MYCBPAP: variants seen among roughly 807,000 people sequenced by gnomAD.
MYCBPAP encodes MYCBP associated protein.
In MYCBPAP, 60 loss-of-function variants were observed where a neutral mutation model predicts 106.1. The observed-to-expected ratio is 0.57, with a 90% CI of 0.46 to 0.70. The LOEUF (loss-of-function observed/expected upper bound fraction) is 0.70. Among genes scored for constraint, MYCBPAP ranks in the 30% least tolerant of loss-of-function variants. MYCBPAP has a pLI of 0.00. For missense variants in MYCBPAP, 1,064 were observed against 1,169.3 expected, an observed-to-expected ratio of 0.91 and a Z score of 1.31; for synonymous variants, 407 against 440.6, an observed-to-expected ratio of 0.92 and a Z score of 0.95.
chr17:50,521,500 G>T, intron 9 of MYCBPAP, 69 bp downstream of exon 9: 1 of 1,225,420 alleles, frequency 8.2e-7, no homozygotes, highest in Non-Finnish European at 1.2e-6. Flanking sequence ...ATTAAAGAGC[G>T]GGCTTCCCTC....
rs2033692220 is a variant in MYCBPAP at position 50,508,443 on chromosome 17, C to A, written c.-232C>A. ...GGCGTCACAGGCCGGGCCCGCAGGG[C>A]TTTCTAGGGGTCCGTCGCTCTTGAA... is the stretch of plus-strand genomic sequence containing the variant. On this transcript the variant is annotated 5_prime_UTR_variant, in exon 1 of 19. Transcript: ENST00000323776. 1 of 1,159,676 alleles carries A rather than the reference C, an allele frequency of 8.6e-7. No individual in the cohort carries two copies. Among genetic ancestry groups the A allele is most frequent in the South Asian group, 1.5e-5 (1 of 67,646 alleles). The allele number at this position is 1,159,676 out of a possible 1,614,324, so 71.8% of individuals were successfully genotyped here.
chr17:50,510,499 G>GTC (rs1418345705), intron 1 of MYCBPAP: 1 of 76,414 alleles, frequency 1.3e-5, no homozygotes, highest in African/African-American at 4.6e-5. Flanking sequence ...GTGTGTGTGT[G>GTC]TATATATATA....
intron 18 of MYCBPAP, chr17:50,529,970 C>A: frequency 2.4e-6 from 1 of 417,612 alleles, no homozygotes; most frequent in South Asian, 1.7e-5. Flanking sequence ...TTCAATATGT[C>A]AGTATGTCTA....
chr17:50,508,429 C>G (rs533895264), upstream of MYCBPAP: 280 of 984,942 alleles, frequency 2.8e-4, 5 homozygotes, highest in South Asian at 4.3e-3. Flanking sequence ...GCGTCACAGG[C>G]CGGGCCCGCA....
At position 50,530,497 on chromosome 17, in the gene MYCBPAP, C is replaced by CAAAAAAAAAAAAAAAAAAAAAAA. The variant is rs10526790; in HGVS notation, c.2725-821_2725-820insAAAAAAAAAAAAAAAAAAAAAAA. On this transcript the variant is annotated intron_variant, in intron 18 of 18. Coordinates refer to ENST00000323776, the MANE Select transcript of MYCBPAP (RefSeq NM_032133.6). ...GTGACAAGAGTGAGACTCTTACCTCCAAAAAAAAAGAATCAACTTGCTGGC... is the reference window on the plus strand; with the variant it reads ...GTGACAAGAGTGAGACTCTTACCTCCAAAAAAAAAAAAAAAAAAAAAAAAAAAAAAAAGAATCAACTTGCTGGC... Among the ~76,000 whole-genome samples the CAAAAAAAAAAAAAAAAAAAAAAA allele has an allele frequency of 3.8e-5, 4 of 105,942 alleles. 1 individual carries two copies. The highest frequency in any genetic ancestry group is 1.8e-5 in the Non-Finnish European group (1 of 54,348). The allele number at this position is 105,942 out of a possible 152,430, so 69.5% of individuals were successfully genotyped here.
intron 4 of MYCBPAP, among the ~76,000 whole-genome samples, chr17:50,517,925 G>A (rs2034112760): frequency 6.6e-6 from 1 of 152,226 alleles, no homozygotes; most frequent in Non-Finnish European, 1.5e-5. Context: ...ATTGCCTCAT[G>A]GAACCCAAAG....
At chr17:50,516,447 C>G in intron 1 of MYCBPAP, 123 bp from the exon 2 acceptor site, 1 of 1,194,490 alleles carries the variant, frequency 8.4e-7, no homozygotes, top group Non-Finnish European at 1.1e-6. Context: ...ATCTATCCAG[C>G]TGGTCAGCTC....
In MYCBPAP at chr17:50,508,470, C is replaced by A; in HGVS notation, c.-205C>A. 2 of 1,429,534 alleles carry A rather than the reference C, an allele frequency of 1.4e-6. No individual in the cohort carries two copies. The highest frequency in any genetic ancestry group is 1.3e-5 in the South Asian group (1 of 76,584). The allele number at this position is 1,429,534 out of a possible 1,614,324, so 88.6% of individuals were successfully genotyped here. A position where few individuals can be genotyped will look rare whatever the true frequency, so the allele number is the denominator to read the frequency against. ...TTCTAGGGGTCCGTCGCTCTTGAAG[C>A]CGCCGGCGGCGGGCGCGTGCGCGGC... is the stretch of plus-strand genomic sequence containing the variant. On this transcript the variant is annotated 5_prime_UTR_variant, in exon 1 of 19. Transcript: ENST00000323776.
In MYCBPAP at chr17:50,523,226, G is replaced by C. The variant is rs1189769416; in HGVS notation, c.1447+98G>C. On this transcript the variant is annotated intron_variant, in intron 11 of 18. Transcript: ENST00000323776. ...TTTAGTTATGGCCCAGCTCCTGTAA[G>C]TTTGAGCCCTGCTTCCCTGCCTTGT... is the stretch of plus-strand genomic sequence containing the variant. 4 of 1,237,030 alleles carry C rather than the reference G, an allele frequency of 3.2e-6. No individual in the cohort carries two copies. The African/African-American group carries it at 6.0e-5, about 19-fold the overall frequency. The allele number at this position is 1,237,030 out of a possible 1,614,324, so 76.6% of individuals were successfully genotyped here.
chr17:50,519,757 A>G lies in MYCBPAP; in HGVS notation c.886A>G (p.Arg296Gly). Residue 296 changes from arginine to glycine, a missense_variant, in exon 7 of 19, where the codon AGG becomes GGG. Arg to Gly is a moderately radical substitution (Grantham distance 125, BLOSUM62 -2). Transcript: ENST00000323776. ...RGLMEPITHI[R>G]KPHSIRVETG... is the part of the protein sequence containing the mutation. ...CCTCATGGAGCCCATCACTCACATCAGGAAGCCCCACTCCATCCGGGTGGA... is the reference window on the plus strand; with the variant it reads ...CCTCATGGAGCCCATCACTCACATCGGGAAGCCCCACTCCATCCGGGTGGA... 1 of 1,613,980 alleles carries G rather than the reference A, an allele frequency of 6.2e-7. No individual in the cohort carries two copies. Among genetic ancestry groups the G allele is most frequent in the East Asian group, 2.2e-5 (1 of 44,872 alleles).
chr17:50,523,475 C>A lies in MYCBPAP; in HGVS notation c.1448-122C>A, dbSNP rs999477794. On this transcript the variant is annotated intron_variant, in intron 11 of 18. Transcript: ENST00000323776. The stretch of plus-strand genomic sequence containing the variant: ...TTCCAGGAAACCTCTCAGCCCTGGG[C>A]AAACTGGGATGGTTGGCCAGCCACC... The A allele has an allele frequency of 4.9e-6, 5 of 1,019,704 alleles. No individual in the cohort carries two copies. The African/African-American group carries it at 6.4e-5, about 13-fold the overall frequency. 63.2% of individuals were successfully genotyped at this position (1,019,704 alleles called of 1,614,324 possible).
chr17:50,523,310 A>G (rs972679089), intron 11 of MYCBPAP, among the ~76,000 whole-genome samples, 182 bp downstream of exon 11: 4 of 152,134 alleles, frequency 2.6e-5, no homozygotes, highest in Non-Finnish European at 5.9e-5. Flanking sequence ...TGAGAGACTG[A>G]TGGAACTTGA....
chr17:50,512,016 C>CCAACATCA (rs1249624791), intron 1 of MYCBPAP, among the ~76,000 whole-genome samples: 1 of 151,626 alleles, frequency 6.6e-6, no homozygotes, highest in African/African-American at 2.4e-5. Flanking sequence ...CCTCTCATCC[C>CCAACATCA]CAACATCACC....
At chr17:50,510,495 GTGTGTATATATATATATATATA>G (rs2033794525) in intron 1 of MYCBPAP, 1 of 93,064 alleles carries the variant, frequency 1.1e-5, no homozygotes, top group Non-Finnish European at 2.1e-5. Flanking sequence ...GTGTGTGTGT[GTGTGTATATATATATATATATA>G]TATATATATA....
intron 1 of MYCBPAP, among the ~76,000 whole-genome samples, chr17:50,512,649 T>C (rs1270259543): frequency 1.3e-5 from 2 of 152,230 alleles, no homozygotes; most frequent in African/African-American, 4.8e-5. Context: ...CTATGATTGG[T>C]GTGTGTTCCT....
In MYCBPAP at chr17:50,519,696, A is replaced by G. The variant is rs1372584487; in HGVS notation, c.825A>G (p.Thr275=). The G allele has an allele frequency of 6.2e-7, 1 of 1,614,158 alleles. No homozygotes were observed. The highest frequency in any genetic ancestry group is 1.1e-5 in the South Asian group (1 of 91,076). The change falls in exon 7 of 19, where the codon ACA becomes ACG. Residue 275 remains threonine (T), a synonymous_variant. Coordinates refer to ENST00000323776, the MANE Select transcript of MYCBPAP (RefSeq NM_032133.6). ...TGGAATACTTGGGAGATGAGATGAC[A>G]GGTCTGGTCATGACCAAGACAAAAA... is the stretch of plus-strand genomic sequence containing the variant. ...SRLEYLGDEM[T]GLVMTKTKTQ...
intron 18 of MYCBPAP, chr17:50,529,940 G>A (rs1008470080): frequency 6.9e-6 from 3 of 433,932 alleles, no homozygotes; most frequent in African/African-American, 6.1e-5. Flanking sequence ...TGTTTTGGAG[G>A]GGAGGTCCAC....
rs140090171 is a variant in MYCBPAP, at chr17:50,524,987, C to G, written c.1746C>G (p.Leu582=). 1 of 1,613,770 alleles carries G rather than the reference C, an allele frequency of 6.2e-7. No individual in the cohort carries two copies. The highest frequency in any genetic ancestry group is 8.5e-7 in the Non-Finnish European group (1 of 1,179,968). The change falls in exon 13 of 19, where the codon CTC becomes CTG. Residue 582 remains leucine (L), a synonymous_variant. Transcript: ENST00000323776. ...ERTPSPVDAY[L]TEEDLFRHRN... ...CACCATCACCTGTGGATGCCTATCT[C>G]ACCGAGGAAGACTTGTTCCGGCACA...
rs1224068621 is a variant in MYCBPAP, at chr17:50,525,916, C to T, written c.1818C>T (p.His606=). The change falls in exon 14 of 19, where the codon CAC becomes CAT. Residue 606 remains histidine, a synonymous_variant. Transcript: ENST00000323776. ...HYEHQVVQSL[H]QLWRQYMTLP... ...AGCACCAAGTGGTGCAAAGCCTGCA[C>T]CAACTGTGGCGCCAGTACATGACCC... is the stretch of plus-strand genomic sequence containing the variant. The T allele has an allele frequency of 5.0e-6, 8 of 1,612,488 alleles. No homozygotes were observed. Among genetic ancestry groups the T allele is most frequent in the Admixed American group, 1.7e-5 (1 of 59,904 alleles).
Sources: gnomAD v4.1 joint callset for allele counts (sites outside exome capture counted in the v4.1 genomes callset) on GRCh38, gnomAD v4.1.1 for gene constraint, MANE v1.5 for transcripts, NCBI Gene and HGNC (gene_info 2026-07-23, HGNC 2026-07-21) for gene names.